ALDH1A1: variants seen among roughly 807,000 people sequenced by gnomAD.
The protein encoded by ALDH1A1 is aldehyde dehydrogenase 1A1.
Under a neutral mutation model 62.1 loss-of-function variants are expected in ALDH1A1, and 19 were observed. That is an observed-to-expected ratio of 0.31 (90% CI 0.21 to 0.45). The LOEUF (loss-of-function observed/expected upper bound fraction) is 0.45. Ranked by LOEUF, ALDH1A1 falls within the 20% of genes least tolerant of loss-of-function variation. The pLI is 1.00. For missense variants in ALDH1A1, 521 were observed against 607.1 expected (o/e 0.86, Z 1.49); for synonymous variants, 231 against 215.9 (o/e 1.07, Z -0.61).
intron 11 of ALDH1A1, 46 bp downstream of exon 11, chr9:72,909,556 A>T (rs148476322): frequency 1.3e-6 from 2 of 1,534,514 alleles, no homozygotes; most frequent in African/African-American, 2.8e-5. Context: ...GTAATCTGTT[A>T]ATGTGGTTAT....
intron 1 of ALDH1A1, among the ~76,000 whole-genome samples, chr9:72,950,488 T>G (rs2118587801): frequency 6.6e-6 from 1 of 152,024 alleles, no homozygotes; most frequent in Middle Eastern, 3.4e-3. Flanking sequence ...AAAGCATTTC[T>G]TAAACTCTGA....
Position 72,909,748 on chromosome 9 carries a change from T to C in ALDH1A1, c.1212A>G (p.Pro404=), listed in dbSNP as rs61995942. ...MRIAKEEIFG[P]VQQIMKFKSL... is the part of the protein sequence containing the mutation. Reference sequence around the variant, plus strand: ...ATTTAAACTTCATGATTTGCTGCACTGGTCCAAAAATCTATACCACAAGAA... The same window carrying C: ...ATTTAAACTTCATGATTTGCTGCACCGGTCCAAAAATCTATACCACAAGAA... The change falls in exon 11 of 13, where the codon CCA becomes CCG. Residue 404 remains proline, a synonymous_variant. Coordinates refer to ENST00000297785, the MANE Select transcript of ALDH1A1 (RefSeq NM_000689.5). 2.1e-4 allele frequency: 345 copies of C among 1,610,062 alleles called. 1 individual carries two copies. The African/African-American group carries it at 4.2e-3, about 20-fold the overall frequency.
rs772856809 is a variant in ALDH1A1 at position 72,930,993 on chromosome 9, G to A, written c.198C>T (p.Ala66=). 3.7e-6 allele frequency: 6 copies of A among 1,613,910 alleles called. No individual in the cohort carries two copies. The South Asian group carries it at 6.6e-5, about 18-fold the overall frequency. The part of the protein sequence containing the change: ...DKEDVDKAVK[A]ARQAFQIGSP... Reference sequence around the variant, plus strand: ...ATCCAATCTGAAAAGCCTGTCTTGCGGCCTTCACTGCCTTGTCAACATCCT... The same window carrying A: ...ATCCAATCTGAAAAGCCTGTCTTGCAGCCTTCACTGCCTTGTCAACATCCT... Residue 66 remains alanine (A), a synonymous_variant, in exon 3 of 13, where the codon GCC becomes GCT. Transcript: ENST00000297785.
intron 1 of ALDH1A1, among the ~76,000 whole-genome samples, chr9:72,943,216 A>T (rs560970361): frequency 2.1e-4 from 32 of 152,232 alleles, no homozygotes; most frequent in African/African-American, 7.7e-4. Context: ...ATACAGAATC[A>T]ATTACATTTT....
At chr9:72,901,760 C>T (rs1236690664) in intron 12 of ALDH1A1, among the ~76,000 whole-genome samples, 2 of 151,976 alleles carry the variant, frequency 1.3e-5, no homozygotes, top group African/African-American at 4.8e-5. Context: ...TCTAGTTCTA[C>T]AGTTTTATTG....
At chr9:72,948,286 A>C (rs1830497407) in intron 1 of ALDH1A1, among the ~76,000 whole-genome samples, 1 of 151,996 alleles carries the variant, frequency 6.6e-6, no homozygotes, top group Non-Finnish European at 1.5e-5. Context: ...AGTTAAAAAC[A>C]TTTCCCAAGT....
At chr9:72,921,949 G>A (rs917141368) in intron 7 of ALDH1A1, among the ~76,000 whole-genome samples, 1 of 152,060 alleles carries the variant, frequency 6.6e-6, no homozygotes, top group African/African-American at 2.4e-5. Flanking sequence ...GAACGTGTGG[G>A]AGCAAGTTTA....
chr9:72,940,329 T>G, intron 1 of ALDH1A1, 77 bp from the exon 2 acceptor site: 1 of 1,036,932 alleles, frequency 9.6e-7, no homozygotes, highest in Non-Finnish European at 1.5e-6. Flanking sequence ...AAACTTAAAC[T>G]AAAGCATTTC....
intron 1 of ALDH1A1, among the ~76,000 whole-genome samples, chr9:72,941,006 A>T (rs965182065): frequency 5.3e-5 from 8 of 152,166 alleles, no homozygotes; most frequent in African/African-American, 1.2e-4. Flanking sequence ...CATGTCACTG[A>T]ATTTGTCTTT....
At chr9:72,932,348 T>G (rs1425190613) in intron 2 of ALDH1A1, among the ~76,000 whole-genome samples, 1 of 152,078 alleles carries the variant, frequency 6.6e-6, no homozygotes, top group African/African-American at 2.4e-5. Context: ...GACCTCAAAT[T>G]AACATCCTCC....
rs570650329 is a variant in ALDH1A1, at chr9:72,924,704, C to T, written c.634-572G>A. Among the ~76,000 whole-genome samples, 7 of 152,280 alleles carry T rather than the reference C, an allele frequency of 4.6e-5. No homozygotes were observed. In the South Asian group the frequency reaches 1.0e-3, roughly 23 times the overall value. On this transcript the variant is annotated intron_variant, in intron 6 of 12. Coordinates refer to ENST00000297785, the MANE Select transcript of ALDH1A1 (RefSeq NM_000689.5). ...GTGAAGGCATGGGAACTGAGTTGGG[C>T]ACATTACAATTTCATGTTATTTGCA...
chr9:72,938,361 C>T (rs904551407), intron 2 of ALDH1A1, among the ~76,000 whole-genome samples: 3 of 152,126 alleles, frequency 2.0e-5, no homozygotes, highest in Non-Finnish European at 4.4e-5. Context: ...GAAACACTTA[C>T]GTGTTCAGAA....
intron 9 of ALDH1A1, among the ~76,000 whole-genome samples, chr9:72,916,630 G>A (rs1830068051): frequency 6.6e-6 from 1 of 152,088 alleles, no homozygotes; most frequent in African/African-American, 2.4e-5. Flanking sequence ...ATCAAGAGGT[G>A]TGCAGATTGA....
chr9:72,946,031 A>G (rs1198439189), intron 1 of ALDH1A1, among the ~76,000 whole-genome samples: 1 of 151,994 alleles, frequency 6.6e-6, no homozygotes, highest in African/African-American at 2.4e-5. Flanking sequence ...GGGAAAGAGA[A>G]AAGATGCCAC....
chr9:72,904,342 G>A (rs1356052200), intron 12 of ALDH1A1, among the ~76,000 whole-genome samples: 2 of 152,036 alleles, frequency 1.3e-5, no homozygotes, highest in African/African-American at 4.8e-5. Context: ...TTTCTTAAAT[G>A]CAGGACTTCT....
intron 9 of ALDH1A1, among the ~76,000 whole-genome samples, chr9:72,913,616 A>C (rs1258990847): frequency 6.6e-6 from 1 of 152,194 alleles, no homozygotes; most frequent in Non-Finnish European, 1.5e-5. Context: ...GTCTGTGACC[A>C]CGTTGAATAA....
intron 2 of ALDH1A1, among the ~76,000 whole-genome samples, chr9:72,938,439 A>G (rs759040316): frequency 1.3e-5 from 2 of 152,032 alleles, no homozygotes; most frequent in African/African-American, 2.4e-5. Flanking sequence ...ATATTATGCT[A>G]TCTAATTTTT....
intron 2 of ALDH1A1, among the ~76,000 whole-genome samples, chr9:72,937,166 T>C (rs1300891016): frequency 1.3e-5 from 2 of 152,122 alleles, no homozygotes; most frequent in African/African-American, 4.8e-5. Context: ...AAAAGAAGAC[T>C]ACTTCATAGA....
Position 72,908,506 on chromosome 9 carries a change from C to CGAAAGAAAGAAA in ALDH1A1, c.1358+1084_1358+1095dup, listed in dbSNP as rs35843379. ...AGAAAGAGAAAGAGAGAGAGAGAGA[C>CGAAAGAAAGAAA]GAAAGAAAGAAAGAAAGAAAGAAAG... On this transcript the variant is annotated intron_variant, in intron 11 of 12. Transcript: ENST00000297785. 1.6e-4 allele frequency among the ~76,000 whole-genome samples: 10 copies of CGAAAGAAAGAAA among 63,050 alleles called. 1 individual carries two copies. Among genetic ancestry groups the CGAAAGAAAGAAA allele is most frequent in the African/African-American group, 8.3e-4 (10 of 11,998 alleles). 41.4% of individuals were successfully genotyped at this position (63,050 alleles called of 152,430 possible).
Sources: allele counts gnomAD v4.1 joint callset (sites outside exome capture counted in the v4.1 genomes callset), GRCh38; gene constraint gnomAD v4.1.1; transcripts MANE v1.5; gene names NCBI Gene and HGNC (gene_info 2026-07-23, HGNC 2026-07-21).